The following ADAMTS17 variants were observed in gnomAD, a reference collection of about 807,000 sequenced individuals.
ADAMTS17 encodes the protein ADAM metallopeptidase with thrombospondin type 1 motif 17.
ADAMTS17 carries 113 observed loss-of-function variants against 141.5 expected under a neutral mutation model. The ratio of observed to expected loss-of-function variants is 0.80; its 90% CI spans 0.69 to 0.93. The LOEUF (loss-of-function observed/expected upper bound fraction) is 0.93, where lower values mean the gene tolerates loss of function less well. Among genes scored for constraint, ADAMTS17 ranks in the 40% least tolerant of loss-of-function variants. The pLI is 0.00. For synonymous variants in ADAMTS17, 768 were observed against 630.6 expected (o/e 1.22, Z -3.27); for missense variants, 1,659 against 1,517.9 (o/e 1.09, Z -1.54).
intron 7 of ADAMTS17, among the ~76,000 whole-genome samples, chr15:100,211,849 G>A (rs2041820107): frequency 6.6e-6 from 1 of 152,084 alleles, no homozygotes; most frequent in South Asian, 2.1e-4. Flanking sequence ...TAACCGGCAA[G>A]GTTATCACAA....
intron 4 of ADAMTS17, among the ~76,000 whole-genome samples, chr15:100,275,520 G>C (rs9328575): frequency 0.3 from 45,630 of 152,122 alleles, 7,147 homozygotes; most frequent in South Asian, 0.46. Context: ...GGTGGAGACA[G>C]AAAGAAAGGA....
In ADAMTS17 at chr15:100,122,881, T is replaced by G. The variant is rs188246118; in HGVS notation, c.1722-5868A>C. Among the ~76,000 whole-genome samples, 4 of 152,264 alleles carry G rather than the reference T, an allele frequency of 2.6e-5. No homozygotes were observed. The East Asian group carries it at 7.7e-4, about 29-fold the overall frequency. On this transcript the variant is annotated intron_variant, in intron 12 of 21. Coordinates refer to ENST00000268070, the MANE Select transcript of ADAMTS17 (RefSeq NM_139057.4). ...GCAGAGACAGAAAAAAACCCATGTATAAGTGGACCTGCACAGTTCAAACCC... is the reference window on the plus strand; with the variant it reads ...GCAGAGACAGAAAAAAACCCATGTAGAAGTGGACCTGCACAGTTCAAACCC...
chr15:99,976,894 C>G lies in ADAMTS17; in HGVS notation c.2950-672G>C, dbSNP rs182481205. ...CAGCTGAAATATTAACTCATGCTAG[C>G]TGCATTCCACCGCTCGCCTCTGCTC... On this transcript the variant is annotated intron_variant, in intron 20 of 21. Coordinates refer to ENST00000268070, the MANE Select transcript of ADAMTS17 (RefSeq NM_139057.4). Among the ~76,000 whole-genome samples the G allele has an allele frequency of 3.1e-3, 471 of 152,306 alleles. 3 individuals are homozygous for G. Among genetic ancestry groups the G allele is most frequent in the African/African-American group, 0.01 (428 of 41,574 alleles).
chr15:100,257,897 G>C (rs1039479541), intron 6 of ADAMTS17, among the ~76,000 whole-genome samples: 3 of 152,156 alleles, frequency 2.0e-5, no homozygotes, highest in Non-Finnish European at 2.9e-5. Context: ...CTGTACCCAT[G>C]AAATAACAAC....
chr15:99,999,550 G>T (rs752043871), intron 18 of ADAMTS17, among the ~76,000 whole-genome samples: 123 of 152,256 alleles, frequency 8.1e-4, no homozygotes, highest in Non-Finnish European at 1.2e-3. Context: ...GAAGGGGAGA[G>T]CGAGGGGAAA....
intron 8 of ADAMTS17, among the ~76,000 whole-genome samples, chr15:100,183,342 T>A (rs74921530): frequency 2.6e-5 from 4 of 152,110 alleles, no homozygotes; most frequent in African/African-American, 7.2e-5. Flanking sequence ...CCCAGCTCAT[T>A]TTTTTTCCAG....
At chr15:100,269,303 G>A (rs578077253) in intron 4 of ADAMTS17, among the ~76,000 whole-genome samples, 147 of 152,284 alleles carry the variant, frequency 9.7e-4, no homozygotes, top group African/African-American at 3.4e-3. Flanking sequence ...AAGAGCTTCT[G>A]TACAGCAAAA....
chr15:100,281,101 C>G, intron 4 of ADAMTS17, 128 bp downstream of exon 4: 1 of 1,334,232 alleles, frequency 7.5e-7, no homozygotes, highest in Non-Finnish European at 1.0e-6. Context: ...AATTACCAGG[C>G]TATGTTCCCG....
chr15:100,232,752 C>G (rs1032577994), intron 7 of ADAMTS17, among the ~76,000 whole-genome samples: 1 of 152,158 alleles, frequency 6.6e-6, no homozygotes, highest in Non-Finnish European at 1.5e-5. Flanking sequence ...TGCGGGACAC[C>G]CTGCCCAGGC....
In ADAMTS17 at chr15:100,280,464, G is replaced by C. The variant is rs75792007; in HGVS notation, c.789+765C>G. Among the ~76,000 whole-genome samples, 1,402 of 152,152 alleles carry C rather than the reference G, an allele frequency of 9.2e-3. 14 individuals are homozygous for C. Among genetic ancestry groups the C allele is most frequent in the African/African-American group, 0.032 (1,324 of 41,498 alleles). The stretch of plus-strand genomic sequence containing the variant: ...ATTCCAATCCATCCTGCATGCAGCT[G>C]CTGGGCTGTTCTTCCTAACATCAAC... On this transcript the variant is annotated intron_variant, in intron 4 of 21. Coordinates refer to ENST00000268070, the MANE Select transcript of ADAMTS17 (RefSeq NM_139057.4).
intron 20 of ADAMTS17, among the ~76,000 whole-genome samples, chr15:99,984,996 T>TGCGGCCCGCCTCACTTCCCC (rs922822275): frequency 6.6e-6 from 1 of 152,264 alleles, no homozygotes; most frequent in Non-Finnish European, 1.5e-5. Context: ...GGCATGGCCC[T>TGCGGCCCGCCTCACTTCCCC]GCGGCCCGCC....
At chr15:100,226,232 G>A (rs554809630) in intron 7 of ADAMTS17, among the ~76,000 whole-genome samples, 59 of 152,370 alleles carry the variant, frequency 3.9e-4, no homozygotes, top group Admixed American at 3.9e-3. Context: ...CTGCTCCAGG[G>A]TGATGTCAGC....
intron 13 of ADAMTS17, among the ~76,000 whole-genome samples, chr15:100,113,823 G>A (rs1006063591): frequency 7.9e-5 from 12 of 152,232 alleles, no homozygotes; most frequent in Admixed American, 3.9e-4. Flanking sequence ...CTCAGACCTG[G>A]GGGGTTCTGC....
intron 10 of ADAMTS17, among the ~76,000 whole-genome samples, chr15:100,139,708 C>T (rs2038527896): frequency 2.0e-5 from 3 of 152,188 alleles, no homozygotes; most frequent in African/African-American, 7.2e-5. Context: ...TAACGCGGAA[C>T]CTCAATCTAG....
chr15:100,061,775 G>A (rs1235826122), intron 15 of ADAMTS17, among the ~76,000 whole-genome samples: 1 of 152,222 alleles, frequency 6.6e-6, no homozygotes, highest in Non-Finnish European at 1.5e-5. Context: ...GGGCTTGATG[G>A]AAGAACCACT....
intron 3 of ADAMTS17, among the ~76,000 whole-genome samples, chr15:100,308,440 T>C (rs1327665636): frequency 6.6e-6 from 1 of 152,200 alleles, no homozygotes; most frequent in Non-Finnish European, 1.5e-5. Flanking sequence ...TCAGGCTTCC[T>C]GAGCAAAGTG....
In ADAMTS17 at chr15:100,063,867, A is replaced by C; in HGVS notation, c.2138-9813T>G. 3 of 696,742 alleles carry C rather than the reference A, an allele frequency of 4.3e-6. No homozygotes were observed. The South Asian group carries it at 4.4e-5, about 10-fold the overall frequency. The allele number at this position is 696,742 out of a possible 1,614,324, so 43.2% of individuals were successfully genotyped here. ...CTACCAAGCCCCCCACAGTGGCTTC[A>C]GAAATGGAGGGCTGGCGCAGAAGAA... On this transcript the variant is annotated intron_variant, in intron 15 of 21. Transcript: ENST00000268070.
At chr15:100,083,138 T>C (rs1300781828) in intron 15 of ADAMTS17, among the ~76,000 whole-genome samples, 33 of 152,208 alleles carry the variant, frequency 2.2e-4, no homozygotes, top group Non-Finnish European at 1.5e-5. Context: ...GGTGTGTCGC[T>C]TCCCCGCAGG....
At chr15:100,082,693 G>A (rs1369827531) in intron 15 of ADAMTS17, among the ~76,000 whole-genome samples, 3 of 149,284 alleles carry the variant, frequency 2.0e-5, no homozygotes, top group African/African-American at 4.9e-5. Context: ...TTGTGGCTAC[G>A]ATATCATCTT....
Sources: allele counts gnomAD v4.1 joint callset (sites outside exome capture counted in the v4.1 genomes callset), GRCh38; gene constraint gnomAD v4.1.1; transcripts MANE v1.5; gene names NCBI Gene and HGNC (gene_info 2026-07-23, HGNC 2026-07-21).